ITGA11: variants seen among roughly 807,000 people sequenced by gnomAD.
ITGA11 encodes integrin alpha-11.
In ITGA11, 97 loss-of-function variants were observed where a neutral mutation model predicts 141.9. The ratio of observed to expected loss-of-function variants is 0.68; its 90% confidence interval spans 0.58 to 0.81. ITGA11 has a LOEUF of 0.81. ITGA11 is among the 30% of genes least tolerant of loss of function. The probability of loss-of-function intolerance (pLI) is 0.00; values close to 1 mark genes in which losing one functional copy is unlikely to be tolerated. For missense variants in ITGA11, 1,387 were observed against 1,559.2 expected (o/e 0.89, Z 1.86); for synonymous variants, 658 against 624.6 (o/e 1.05, Z -0.80).
intron 10 of ITGA11, among the ~76,000 whole-genome samples, chr15:68,341,276 C>T (rs1894560164): frequency 6.6e-6 from 1 of 152,210 alleles, no homozygotes; most frequent in Non-Finnish European, 1.5e-5. Context: ...TTGTTCGGGC[C>T]ACGACAGGAG....
At chr15:68,351,010 C>T (rs1455306862) in intron 8 of ITGA11, among the ~76,000 whole-genome samples, 1 of 152,158 alleles carries the variant, frequency 6.6e-6, no homozygotes, top group Non-Finnish European at 1.5e-5. Flanking sequence ...GAGGTGTATT[C>T]TAGTTTTCTG....
Position 68,299,942 on chromosome 15 carries a change from A to AC in ITGA11, c.*3116dup, listed in dbSNP as rs1038525583. On this transcript the variant is annotated 3_prime_UTR_variant, in exon 30 of 30. Coordinates refer to ENST00000315757, the MANE Select transcript of ITGA11 (RefSeq NM_001004439.2). ...TGTCAAGAAACCATCACCTTCCTTAACAAAAGTAAAACCCAGAAACTCCAC... is the reference window on the plus strand; with the variant it reads ...TGTCAAGAAACCATCACCTTCCTTAACCAAAAGTAAAACCCAGAAACTCCAC... The AC allele has an allele frequency of 6.6e-6, 1 of 152,132 alleles. No homozygotes were observed. The highest frequency in any genetic ancestry group is 1.5e-5 in the Non-Finnish European group (1 of 68,024). The allele number at this position is 152,132 out of a possible 1,614,324, so 9.4% of individuals were successfully genotyped here.
intron 1 of ITGA11, among the ~76,000 whole-genome samples, chr15:68,420,012 A>G (rs1232338828): frequency 6.6e-6 from 1 of 152,100 alleles, no homozygotes; most frequent in Non-Finnish European, 1.5e-5. Context: ...CACCTGTGCA[A>G]TGGGTTTCAT....
rs180881697 is a variant in ITGA11 at position 68,360,126 on chromosome 15, C to T, written c.472+1464G>A. ...GCATACTGTGTACAGCATGTGATGA[C>T]CTGACACTCCTGGCCTGGCAGAGCC... On this transcript the variant is annotated intron_variant, in intron 5 of 29. Transcript: ENST00000315757. Among the ~76,000 whole-genome samples, 15 of 152,248 alleles carry T rather than the reference C, an allele frequency of 9.9e-5. No individual in the cohort carries two copies. The East Asian group carries it at 2.9e-3, about 29-fold the overall frequency.
At chr15:68,400,698 T>A (rs1475703064) in intron 2 of ITGA11, among the ~76,000 whole-genome samples, 1 of 34,948 alleles carries the variant, frequency 2.9e-5, no homozygotes, top group African/African-American at 1.6e-4. Context: ...ATATTATATA[T>A]TATATAATAA....
Position 68,357,275 on chromosome 15 carries a change from C to G in ITGA11, c.625G>C (p.Asp209His). Residue 209 changes from aspartate (D) to histidine (H), a missense_variant, in exon 7 of 30, where the codon GAT becomes CAT. Asp to His is a moderately conservative substitution (Grantham distance 81, BLOSUM62 -1). Transcript: ENST00000315757. The part of the protein sequence containing the change: ...IQVGVVQYGE[D>H]VVHEFHLNDY... ...TTGAGGTGAAACTCATGCACCACAT[C>G]TTCGCCATACTGCACAACTCCAACC... 1 of 1,613,712 alleles carries G rather than the reference C, an allele frequency of 6.2e-7. No homozygotes were observed.
intron 10 of ITGA11, among the ~76,000 whole-genome samples, chr15:68,343,952 C>T (rs1011217959): frequency 5.6e-4 from 85 of 152,216 alleles, no homozygotes; most frequent in African/African-American, 1.8e-3. Flanking sequence ...TGCTGGAATC[C>T]GGCAGCTGGG....
chr15:68,356,623 C>T (rs1025971781), intron 7 of ITGA11, among the ~76,000 whole-genome samples: 9 of 152,292 alleles, frequency 5.9e-5, no homozygotes, highest in South Asian at 4.2e-4. Flanking sequence ...AAAATGACCT[C>T]GCTGTTCATC....
At chr15:68,368,134 T>A (rs899964055) in intron 3 of ITGA11, among the ~76,000 whole-genome samples, 5 of 152,184 alleles carry the variant, frequency 3.3e-5, no homozygotes, top group Non-Finnish European at 5.9e-5. Context: ...TCCATCAGCT[T>A]ATCTCTTGAA....
rs186816436 is a variant in ITGA11 at position 68,394,733 on chromosome 15, G to T, written c.164+8185C>A. ...GGGACAACACAAATTACCAAAAAGA[G>T]AAATGAAAAAGAGGATATATAGATC... On this transcript the variant is annotated intron_variant, in intron 2 of 29. Coordinates refer to ENST00000315757, the MANE Select transcript of ITGA11 (RefSeq NM_001004439.2). Among the ~76,000 whole-genome samples the T allele has an allele frequency of 3.3e-4, 50 of 151,944 alleles. 1 individual carries two copies. Among genetic ancestry groups the T allele is most frequent in the Admixed American group, 2.9e-3 (44 of 15,256 alleles).
rs377434761 is a variant in ITGA11 at position 68,326,762 on chromosome 15, C to G, written c.2103G>C (p.Arg701=). Residue 701 remains arginine, a synonymous_variant, in exon 17 of 30, where the codon CGG becomes CGC. Coordinates refer to ENST00000315757, the MANE Select transcript of ITGA11 (RefSeq NM_001004439.2). This position sits in a 1 kb window ranked among gnomAD's most constrained non-coding sequence, Gnocchi z 6.8. ...IRYNATMDER[R]YTPRAHLDEG... is the part of the protein sequence containing the mutation. The stretch of plus-strand genomic sequence containing the variant: ...CGTCCAGGTGGGCCCTCGGTGTATA[C>G]CGCCTCTCATCCATGGTGGCGTTGT... 42 of 1,581,092 alleles carry G rather than the reference C, an allele frequency of 2.7e-5. No homozygotes were observed. The African/African-American group carries it at 5.5e-4, about 21-fold the overall frequency.
chr15:68,340,546 A>G (rs1595867292), intron 10 of ITGA11, among the ~76,000 whole-genome samples: 1 of 152,018 alleles, frequency 6.6e-6, no homozygotes, highest in African/African-American at 2.4e-5. Context: ...AGCCAGGGCC[A>G]CCTCCATGAC....
At chr15:68,345,557 G>A (rs1343874214) in intron 10 of ITGA11, among the ~76,000 whole-genome samples, 3 of 152,202 alleles carry the variant, frequency 2.0e-5, no homozygotes, top group African/African-American at 7.2e-5. Flanking sequence ...AGGAGGAGCC[G>A]GGCCTTTCTT....
In ITGA11 at chr15:68,307,812, C is replaced by T; in HGVS notation, c.3175-116G>A. ...GGGGGCAGGGGCAGAGGACAGGGGA[C>T]AAAGAGAAAGTTGGGAGTGGGGGAC... On this transcript the variant is annotated intron_variant, in intron 26 of 29. Coordinates refer to ENST00000315757, the MANE Select transcript of ITGA11 (RefSeq NM_001004439.2). This position sits in a 1 kb window ranked among gnomAD's most constrained non-coding sequence, Gnocchi z 6.1. 2 of 667,140 alleles carry T rather than the reference C, an allele frequency of 3.0e-6. No homozygotes were observed. Among genetic ancestry groups the T allele is most frequent in the Non-Finnish European group, 5.2e-6 (2 of 386,960 alleles). The allele number at this position is 667,140 out of a possible 1,614,324, so 41.3% of individuals were successfully genotyped here.
At chr15:68,312,680 G>A (rs956714583) in intron 24 of ITGA11, 93 bp downstream of exon 24, 7 of 921,714 alleles carry the variant, frequency 7.6e-6, no homozygotes, top group East Asian at 5.3e-5. Context: ...GCTGGACTCC[G>A]GGCACTAGCG....
At chr15:68,376,865 A>AC (rs1264501072) in intron 2 of ITGA11, among the ~76,000 whole-genome samples, 1 of 152,168 alleles carries the variant, frequency 6.6e-6, no homozygotes, top group Non-Finnish European at 1.5e-5. Context: ...CCTGAACCCC[A>AC]CCTCCAGAAG....
intron 2 of ITGA11, among the ~76,000 whole-genome samples, chr15:68,374,470 C>T (rs951612033): frequency 6.6e-6 from 1 of 152,276 alleles, no homozygotes; most frequent in East Asian, 1.9e-4. Context: ...TGTCTGAGGC[C>T]TCAGACAGGC....
At chr15:68,309,941 G>A (rs1264651011) in intron 26 of ITGA11, among the ~76,000 whole-genome samples, 1 of 152,136 alleles carries the variant, frequency 6.6e-6, no homozygotes, top group East Asian at 1.9e-4. Context: ...GAGGAATAAT[G>A]GTTGCCCTTT....
chr15:68,307,710 TGG>T lies in ITGA11; in HGVS notation c.3175-16_3175-15del. 1 of 1,588,868 alleles carries T rather than the reference TGG, an allele frequency of 6.3e-7. No individual in the cohort carries two copies. The highest frequency in any genetic ancestry group is 8.6e-7 in the Non-Finnish European group (1 of 1,157,924). On this transcript the variant is annotated splice_polypyrimidine_tract_variant and intron_variant, in intron 26 of 29. Coordinates refer to ENST00000315757, the MANE Select transcript of ITGA11 (RefSeq NM_001004439.2). The surrounding 1 kb of genome is among the most constrained non-coding windows in gnomAD (Gnocchi z 6.1). The stretch of plus-strand genomic sequence containing the variant: ...GTTGCTGTGATTCTGAAAGAGAAGA[TGG>T]GTCTCAGGGCTGAGCTGCTGGGCTA...
Sources: gnomAD v4.1 joint callset for allele counts (sites outside exome capture counted in the v4.1 genomes callset) on GRCh38, gnomAD v4.1.1 for gene constraint, Gnocchi (gnomAD v3.1) non-coding constraint, MANE v1.5 for transcripts, NCBI Gene and HGNC (gene_info 2026-07-23, HGNC 2026-07-21) for gene names.